The following NUP107 variants were observed in gnomAD, a reference collection of about 807,000 sequenced individuals.
The protein encoded by NUP107 is nucleoporin 107.
Under a neutral mutation model 141.0 loss-of-function variants are expected in NUP107, and 101 were observed. That is an observed-to-expected ratio of 0.72 (90% CI 0.61 to 0.84). The LOEUF (loss-of-function observed/expected upper bound fraction) is 0.84, where lower values mean the gene tolerates loss of function less well. NUP107 is among the 40% of genes least tolerant of loss of function. The pLI is 0.00. For synonymous variants in NUP107, 319 were observed against 363.9 expected (o/e 0.88, Z 1.41); for missense variants, 941 against 1,102.7 (o/e 0.85, Z 2.08).
chr12:68,726,451 C>A, intron 18 of NUP107, 48 bp from the exon 19 acceptor site: 1 of 1,210,858 alleles, frequency 8.3e-7, no homozygotes, highest in South Asian at 1.3e-5. Flanking sequence ...TTATTTTTTT[C>A]TTTTGATTTT....
At chr12:68,698,759 A>T (rs956124295) in intron 6 of NUP107, among the ~76,000 whole-genome samples, 4 of 152,204 alleles carry the variant, frequency 2.6e-5, no homozygotes, top group Non-Finnish European at 5.9e-5. Flanking sequence ...CAGTGACAAG[A>T]TCATCAGTTG....
In NUP107 at chr12:68,738,703, G is replaced by T. The variant is rs966250785; in HGVS notation, c.2503-3110G>T. ...TTGGGGCTGGTGGCACAGAGGAATG[G>T]CAGAGAGAATGGAGCAGGCAGGTCA... On this transcript the variant is annotated intron_variant, in intron 26 of 27. Transcript: ENST00000229179. Among the ~76,000 whole-genome samples the T allele has an allele frequency of 2.0e-5, 3 of 152,250 alleles. No individual in the cohort carries two copies. The South Asian group carries it at 6.2e-4, about 32-fold the overall frequency.
At chr12:68,713,190 CAGTG>C (rs2136022060) in intron 10 of NUP107, among the ~76,000 whole-genome samples, 1 of 151,052 alleles carries the variant, frequency 6.6e-6, no homozygotes, top group African/African-American at 2.5e-5. Context: ...CAGGGGAACA[CAGTG>C]AGACCCCCAT....
At chr12:68,731,572 A>G (rs1246709076) in intron 21 of NUP107, 35 bp from the exon 22 acceptor site, 2 of 1,259,256 alleles carry the variant, frequency 1.6e-6, no homozygotes, top group East Asian at 2.5e-5. Flanking sequence ...TCAATGATTA[A>G]TCTTTGTTTT....
intron 20 of NUP107, 129 bp downstream of exon 20, chr12:68,727,518 G>T: frequency 1.8e-6 from 1 of 547,154 alleles, no homozygotes; most frequent in Non-Finnish European, 3.3e-6. Context: ...TTAATTATCA[G>T]CACAGTTGAC....
At chr12:68,697,066 C>A in intron 6 of NUP107, 144 bp downstream of exon 6, 1 of 496,270 alleles carries the variant, frequency 2.0e-6, no homozygotes. Flanking sequence ...TAGAGCATCC[C>A]TGCGTCTTAC....
At chr12:68,705,752 G>A (rs1876547627) in intron 8 of NUP107, 2 of 713,722 alleles carry the variant, frequency 2.8e-6, no homozygotes, top group South Asian at 1.4e-5. Flanking sequence ...AGCTTCTCCC[G>A]AATGGGCAGC....
Position 68,695,132 on chromosome 12 carries a change from A to C in NUP107, c.449-1687A>C, listed in dbSNP as rs1875988893. Among the ~76,000 whole-genome samples the C allele has an allele frequency of 2.0e-5, 3 of 152,248 alleles. No individual in the cohort carries two copies. The South Asian group carries it at 6.2e-4, about 31-fold the overall frequency. ...ACCCAGAAAATAACAAGTATTGACA[A>C]CAATGTGGAGAAATTCAAATCCTTG... On this transcript the variant is annotated intron_variant, in intron 5 of 27. Transcript: ENST00000229179.
intron 6 of NUP107, 27 bp from the exon 7 acceptor site, chr12:68,700,699 C>G (rs116324823): frequency 6.7e-7 from 1 of 1,501,048 alleles, no homozygotes; most frequent in Admixed American, 2.4e-5. Context: ...GAAAATTAAC[C>G]TCTTTACATC....
chr12:68,732,775 G>A (rs756392910), intron 23 of NUP107, 36 bp downstream of exon 23: 2 of 1,347,874 alleles, frequency 1.5e-6, no homozygotes, highest in Admixed American at 1.8e-5. Context: ...AAACTCCTGG[G>A]CTCCATTCTT....
At chr12:68,687,245 G>A (rs1165758872) in intron 1 of NUP107, 172 bp downstream of exon 1, 1 of 922,708 alleles carries the variant, frequency 1.1e-6, no homozygotes. Context: ...AAAGCCGCTT[G>A]GCGTGCGTCG....
At chr12:68,705,717 G>GC (rs1435573087) in intron 8 of NUP107, 2 of 660,654 alleles carry the variant, frequency 3.0e-6, no homozygotes, top group East Asian at 3.0e-5. Context: ...ACATGTGTGG[G>GC]CCCAGTGCCT....
At chr12:68,731,826 T>C in intron 22 of NUP107, 107 bp downstream of exon 22, 1 of 636,232 alleles carries the variant, frequency 1.6e-6, no homozygotes, top group Non-Finnish European at 2.7e-6. Context: ...AGGTTTTCTT[T>C]TTTAAGAATG....
intron 7 of NUP107, 32 bp downstream of exon 7, chr12:68,700,885 A>G: frequency 6.6e-7 from 1 of 1,522,746 alleles, no homozygotes; most frequent in Non-Finnish European, 8.8e-7. Context: ...AAGTGAAATA[A>G]ACATAAGGTA....
At chr12:68,692,594 A>C (rs1320845709) in intron 5 of NUP107, among the ~76,000 whole-genome samples, 3 of 151,932 alleles carry the variant, frequency 2.0e-5, no homozygotes, top group Non-Finnish European at 4.4e-5. Context: ...AAAAAACAAA[A>C]AAAAAAACAG....
chr12:68,713,283 G>C (rs913701667), intron 10 of NUP107, among the ~76,000 whole-genome samples: 3 of 151,388 alleles, frequency 2.0e-5, no homozygotes, highest in Admixed American at 2.0e-4. Context: ...ACTGAAATGG[G>C]AGGATCACTT....
At chr12:68,721,273 G>T in intron 15 of NUP107, 96 bp downstream of exon 15, 1 of 724,978 alleles carries the variant, frequency 1.4e-6, no homozygotes, top group East Asian at 2.8e-5. Context: ...ACTTAAGTTT[G>T]TATACTTAAG....
chr12:68,729,589 G>T (rs981154479), intron 20 of NUP107, among the ~76,000 whole-genome samples: 3 of 151,576 alleles, frequency 2.0e-5, no homozygotes, highest in Non-Finnish European at 4.4e-5. Flanking sequence ...TATTACAGGT[G>T]TGCACCACCA....
In NUP107 at chr12:68,695,323, T is replaced by C. The variant is rs182248536; in HGVS notation, c.449-1496T>C. Among the ~76,000 whole-genome samples the C allele has an allele frequency of 1.1e-4, 16 of 152,330 alleles. No homozygotes were observed. In the East Asian group the frequency reaches 2.9e-3, roughly 28 times the overall value. Reference sequence around the variant, plus strand: ...TCTCAAAGAAATATTTGTACATGCATGTTCATAGCATGATTCATAGTAGCC... The same window carrying C: ...TCTCAAAGAAATATTTGTACATGCACGTTCATAGCATGATTCATAGTAGCC... On this transcript the variant is annotated intron_variant, in intron 5 of 27. Transcript: ENST00000229179.
Sources: allele counts gnomAD v4.1 joint callset (sites outside exome capture counted in the v4.1 genomes callset), GRCh38; gene constraint gnomAD v4.1.1; transcripts MANE v1.5; gene names NCBI Gene and HGNC (gene_info 2026-07-23, HGNC 2026-07-21).